Variants in DCAF8L2 observed in about 807,000 individuals in gnomAD.
The protein encoded by DCAF8L2 is DDB1 and CUL4 associated factor 8 like 2.
For synonymous variants in DCAF8L2, 200 were observed against 190.9 expected (o/e 1.05, Z -0.39); for missense variants, 430 against 490.7 (o/e 0.88, Z 1.17).
intron 3 of DCAF8L2, among the ~76,000 whole-genome samples, chrX:27,703,264 C>T (rs191531868): frequency 6.6e-4 from 73 of 111,188 alleles, no homozygotes; most frequent in Admixed American, 4.8e-4. Flanking sequence ...AGCAATGTTT[C>T]CCAATTAATC....
chrX:27,490,500 C>A, the DCAF8L2 span, among the ~76,000 whole-genome samples: 1 of 109,418 alleles, frequency 9.1e-6, no homozygotes, highest in South Asian at 3.9e-4. Flanking sequence ...CTCGCTCTGT[C>A]GCCCAGGCAG....
intron 3 of DCAF8L2, among the ~76,000 whole-genome samples, chrX:27,685,218 T>C (rs1930460833): frequency 8.9e-6 from 1 of 111,812 alleles, no homozygotes; most frequent in Non-Finnish European, 1.9e-5. Flanking sequence ...ATGTAAAAAA[T>C]AATCGAGGTG....
chrX:27,622,089 A>G (rs1023232759), intron 1 of DCAF8L2, among the ~76,000 whole-genome samples: 1 of 111,149 alleles, frequency 9.0e-6, no homozygotes, highest in African/African-American at 3.3e-5. Flanking sequence ...TTGAAGACGT[A>G]CATCACCTGT....
chrX:27,514,663 C>A, the DCAF8L2 span, among the ~76,000 whole-genome samples: 2 of 47,819 alleles, frequency 4.2e-5, no homozygotes, highest in African/African-American at 1.7e-4. Context: ...AGCGAGACTC[C>A]GTCTCAAAAA....
At chrX:27,710,696 A>T (rs1332840138) in intron 3 of DCAF8L2, among the ~76,000 whole-genome samples, 2 of 112,759 alleles carry the variant, frequency 1.8e-5, no homozygotes, top group African/African-American at 3.2e-5. Flanking sequence ...ATGTGTATAT[A>T]GTTTTACTTC....
chrX:27,487,597 T>C, the DCAF8L2 span, among the ~76,000 whole-genome samples: 1 of 112,520 alleles, frequency 8.9e-6, no homozygotes, highest in South Asian at 3.7e-4. Flanking sequence ...TTTTACATTT[T>C]TGATATAGAG....
chrX:27,656,898 G>T (rs1929373895), intron 2 of DCAF8L2, among the ~76,000 whole-genome samples: 2 of 111,113 alleles, frequency 1.8e-5, no homozygotes, highest in African/African-American at 3.3e-5. Context: ...AACTTGATTG[G>T]ATTGAAGGAT....
chrX:27,502,146 C>T, the DCAF8L2 span, among the ~76,000 whole-genome samples: 1 of 101,859 alleles, frequency 9.8e-6, no homozygotes, highest in African/African-American at 3.6e-5. Context: ...CAAGGTGAAA[C>T]CCCTTCTCTA....
chrX:27,489,437 G>A, the DCAF8L2 span, among the ~76,000 whole-genome samples: 1 of 111,598 alleles, frequency 9.0e-6, no homozygotes, highest in African/African-American at 3.3e-5. Context: ...AATGTGTAGA[G>A]CTGCTCAATT....
the DCAF8L2 span, among the ~76,000 whole-genome samples, chrX:27,529,402 A>G: frequency 9.0e-5 from 10 of 111,553 alleles, no homozygotes; most frequent in Admixed American, 2.9e-4. Flanking sequence ...CTCAACTGCA[A>G]TAACATAAAA....
chrX:27,654,759 T>C (rs1929288948), intron 2 of DCAF8L2, among the ~76,000 whole-genome samples: 1 of 111,956 alleles, frequency 8.9e-6, no homozygotes, highest in African/African-American at 3.2e-5. Flanking sequence ...AGATATAATA[T>C]GTTAACAAGA....
chrX:27,479,881 C>T, the DCAF8L2 span, among the ~76,000 whole-genome samples: 1 of 112,200 alleles, frequency 8.9e-6, no homozygotes, highest in African/African-American at 3.2e-5. Flanking sequence ...CCACACCCAC[C>T]TAGAGAGGGT....
intron 1 of DCAF8L2, among the ~76,000 whole-genome samples, chrX:27,627,984 A>G (rs1447790325): frequency 9.0e-6 from 1 of 110,891 alleles, no homozygotes; most frequent in Non-Finnish European, 1.9e-5. Flanking sequence ...TCAATTTTGA[A>G]GTATAAAATA....
chrX:27,510,841 C>T, the DCAF8L2 span, among the ~76,000 whole-genome samples: 102 of 111,189 alleles, frequency 9.2e-4, 1 homozygote, highest in African/African-American at 3.2e-3. Flanking sequence ...ATACTTTGCA[C>T]TGAAAAGCAA....
intron 4 of DCAF8L2, among the ~76,000 whole-genome samples, chrX:27,740,400 T>G (rs1053205180): frequency 1.8e-5 from 2 of 112,257 alleles, no homozygotes; most frequent in Admixed American, 9.5e-5. Flanking sequence ...CATGCTATTC[T>G]CCACACAATA....
At chrX:27,675,827 A>C (rs1018224893) in intron 2 of DCAF8L2, among the ~76,000 whole-genome samples, 1 of 111,691 alleles carries the variant, frequency 9.0e-6, no homozygotes, top group Non-Finnish European at 1.9e-5. Context: ...CCTGAGCTTC[A>C]TGGGATCATA....
chrX:27,549,432 T>C, the DCAF8L2 span, among the ~76,000 whole-genome samples: 1 of 111,715 alleles, frequency 9.0e-6, no homozygotes, highest in Non-Finnish European at 1.9e-5. Flanking sequence ...CTGTACTAAG[T>C]TTTCTCTAGG....
chrX:27,672,812 T>C (rs1018485022), intron 2 of DCAF8L2, among the ~76,000 whole-genome samples: 1 of 112,429 alleles, frequency 8.9e-6, no homozygotes, highest in Admixed American at 9.4e-5. Flanking sequence ...GCTCAAAATC[T>C]CTCACATTGC....
intron 2 of DCAF8L2, chrX:27,633,490 C>T (rs1928376370): frequency 8.9e-6 from 1 of 111,886 alleles, no homozygotes; most frequent in Non-Finnish European, 1.9e-5. Context: ...GTTCTTGGCA[C>T]ATTTGCAGGG....
Sources: allele counts gnomAD v4.1 joint callset (sites outside exome capture counted in the v4.1 genomes callset), GRCh38; gene constraint gnomAD v4.1.1; transcripts MANE v1.5; gene names NCBI Gene and HGNC (gene_info 2026-07-23, HGNC 2026-07-21).